EPB41L4B: variants seen among roughly 807,000 people sequenced by gnomAD.
EPB41L4B encodes the protein band 4.1-like protein 4B.
Under a neutral mutation model 112.5 loss-of-function variants are expected in EPB41L4B, and 30 were observed. The observed-to-expected ratio is 0.27, with a 90% CI of 0.20 to 0.36. EPB41L4B has a LOEUF of 0.36. EPB41L4B is among the 10% of genes least tolerant of loss of function. EPB41L4B has a pLI of 1.00. For synonymous variants in EPB41L4B, 408 were observed against 439.7 expected, an observed-to-expected ratio of 0.93 and a Z score of 0.90; for missense variants, 1,024 against 1,133.3, an observed-to-expected ratio of 0.90 and a Z score of 1.38.
chr9:109,256,268 T>G (rs767979621), intron 8 of EPB41L4B, 44 bp from the exon 9 acceptor site: 2 of 1,595,314 alleles, frequency 1.3e-6, no homozygotes, highest in South Asian at 2.2e-5. Flanking sequence ...TTCTAACAGG[T>G]CGTCACACAG....
chr9:109,202,531 G>A (rs1449841187), intron 19 of EPB41L4B, among the ~76,000 whole-genome samples: 1 of 152,128 alleles, frequency 6.6e-6, no homozygotes, highest in Non-Finnish European at 1.5e-5. Context: ...AGTGGTCCTT[G>A]GACCCATTTT....
chr9:109,303,338 T>C (rs1157460572), intron 1 of EPB41L4B, among the ~76,000 whole-genome samples: 1 of 152,110 alleles, frequency 6.6e-6, no homozygotes, highest in Non-Finnish European at 1.5e-5. Flanking sequence ...TTATAAGTTG[T>C]GGGTTTCTTT....
chr9:109,294,142 G>A (rs563111254), intron 1 of EPB41L4B, among the ~76,000 whole-genome samples: 156 of 151,516 alleles, frequency 1.0e-3, no homozygotes, highest in African/African-American at 3.7e-3. Context: ...CCATTTCTAC[G>A]AAAATACAAA....
chr9:109,195,766 A>G (rs1832619695), intron 20 of EPB41L4B, among the ~76,000 whole-genome samples: 1 of 152,238 alleles, frequency 6.6e-6, no homozygotes, highest in Non-Finnish European at 1.5e-5. Flanking sequence ...ATAAAAGGCC[A>G]TTTAAAAACC....
intron 18 of EPB41L4B, 126 bp from the exon 19 acceptor site, chr9:109,203,856 T>C: frequency 2.8e-6 from 2 of 724,142 alleles, no homozygotes; most frequent in Non-Finnish European, 4.9e-6. Flanking sequence ...GTTCACCAAG[T>C]ACTCAATCAA....
intron 8 of EPB41L4B, 29 bp from the exon 9 acceptor site, chr9:109,256,253 G>A: frequency 6.2e-7 from 1 of 1,607,336 alleles, no homozygotes; most frequent in East Asian, 2.2e-5. Context: ...ACAATCGGTA[G>A]AGGGTTCTAA....
rs1302905887 is a variant in EPB41L4B at position 109,173,662 on chromosome 9, G to C, written c.*892C>G. On this transcript the variant is annotated 3_prime_UTR_variant, in exon 26 of 26. Coordinates refer to ENST00000374566, the MANE Select transcript of EPB41L4B (RefSeq NM_019114.5). The stretch of plus-strand genomic sequence containing the variant: ...ATGTGTGTATTCATTGAGAAAGCTA[G>C]GGAACTAATTTAGAGGGATATTTTG... 6.6e-6 allele frequency: 1 copy of C among 152,538 alleles called. No homozygotes were observed. Among genetic ancestry groups the C allele is most frequent in the Non-Finnish European group, 1.5e-5 (1 of 68,008 alleles). The allele number at this position is 152,538 out of a possible 1,614,324, so 9.4% of individuals were successfully genotyped here.
chr9:109,250,460 G>C (rs1283842948), intron 13 of EPB41L4B, among the ~76,000 whole-genome samples: 1 of 152,210 alleles, frequency 6.6e-6, no homozygotes, highest in Non-Finnish European at 1.5e-5. Flanking sequence ...GGATGACTGA[G>C]AGCCTAATGA....
chr9:109,246,037 C>G (rs1834543004), intron 14 of EPB41L4B, among the ~76,000 whole-genome samples: 1 of 152,186 alleles, frequency 6.6e-6, no homozygotes, highest in Admixed American at 6.5e-5. Flanking sequence ...TATCAATTAC[C>G]TGTCTCTACA....
chr9:109,235,756 C>G (rs571159411), intron 15 of EPB41L4B, among the ~76,000 whole-genome samples: 1 of 152,160 alleles, frequency 6.6e-6, no homozygotes, highest in South Asian at 2.1e-4. Flanking sequence ...TACGACCTTA[C>G]GAACCACTAA....
chr9:109,186,788 A>T (rs1254543297), intron 22 of EPB41L4B, among the ~76,000 whole-genome samples: 2 of 152,106 alleles, frequency 1.3e-5, no homozygotes, highest in Non-Finnish European at 2.9e-5. Context: ...CAGCTGTAAC[A>T]TATAGTTGAG....
intron 17 of EPB41L4B, among the ~76,000 whole-genome samples, chr9:109,208,918 T>C (rs1833069006): frequency 6.6e-6 from 1 of 152,140 alleles, no homozygotes; most frequent in Non-Finnish European, 1.5e-5. Flanking sequence ...GTCCAATAAA[T>C]ACCTACTAAA....
At chr9:109,319,765 G>A (rs1277946519) in intron 1 of EPB41L4B, among the ~76,000 whole-genome samples, 1 of 152,120 alleles carries the variant, frequency 6.6e-6, no homozygotes, top group Non-Finnish European at 1.5e-5. Flanking sequence ...CCAGTATCAG[G>A]AAGACCCCTG....
At chr9:109,194,501 T>C (rs1251622359) in intron 20 of EPB41L4B, 104 bp from the exon 21 acceptor site, 4 of 1,262,362 alleles carry the variant, frequency 3.2e-6, no homozygotes, top group Middle Eastern at 2.0e-4. Context: ...GGGATGGGGA[T>C]TGGGGGTTCC....
chr9:109,243,417 T>G (rs968054485), intron 15 of EPB41L4B, among the ~76,000 whole-genome samples: 1 of 152,184 alleles, frequency 6.6e-6, no homozygotes, highest in African/African-American at 2.4e-5. Context: ...TCATTTTTTA[T>G]TTCACAAAGC....
chr9:109,185,739 A>C, intron 22 of EPB41L4B, 134 bp from the exon 23 acceptor site: 1 of 603,344 alleles, frequency 1.7e-6, no homozygotes. Context: ...GACTGTTCTC[A>C]AGCCAGCCTC....
At chr9:109,276,312 G>GA in intron 2 of EPB41L4B, among the ~76,000 whole-genome samples, 1 of 151,724 alleles carries the variant, frequency 6.6e-6, no homozygotes, top group South Asian at 2.1e-4. Flanking sequence ...GAAGGGTGAG[G>GA]GGGGGGTCAT....
chr9:109,305,051 C>T (rs1195296593), intron 1 of EPB41L4B, among the ~76,000 whole-genome samples: 1 of 151,932 alleles, frequency 6.6e-6, no homozygotes, highest in Non-Finnish European at 1.5e-5. Context: ...AAATCACTTG[C>T]AAAAACTAAA....
chr9:109,320,856 G>A lies in EPB41L4B; in HGVS notation c.-410C>T, dbSNP rs1289214949. 2.0e-5 allele frequency: 3 copies of A among 147,066 alleles called. No individual in the cohort carries two copies. The East Asian group carries it at 5.9e-4, about 29-fold the overall frequency. 9.1% of individuals were successfully genotyped at this position (147,066 alleles called of 1,614,324 possible). ...CGCGCCGCGCGCCGGCCGAGGGCCA[G>A]CCGGAGCAGGGCGCCTGCGTGGTCC... On this transcript the variant is annotated 5_prime_UTR_variant, in exon 1 of 26. Transcript: ENST00000374566.
Sources: allele counts gnomAD v4.1 joint callset (sites outside exome capture counted in the v4.1 genomes callset), GRCh38; gene constraint gnomAD v4.1.1; transcripts MANE v1.5; gene names NCBI Gene and HGNC (gene_info 2026-07-23, HGNC 2026-07-21).